DPP6: variants seen among roughly 807,000 people sequenced by gnomAD.
DPP6 encodes A-type potassium channel modulatory protein DPP6.
A neutral mutation model predicts 122.6 loss-of-function variants in DPP6; 69 were observed. The ratio of observed to expected loss-of-function variants is 0.56; its 90% CI spans 0.46 to 0.69. The LOEUF (loss-of-function observed/expected upper bound fraction) is 0.69. DPP6 is among the 30% of genes least tolerant of loss of function. The probability of loss-of-function intolerance (pLI) is 0.00; values close to 1 mark genes in which losing one functional copy is unlikely to be tolerated. For synonymous variants in DPP6, 418 were observed against 433.1 expected (o/e 0.97, Z 0.43); for missense variants, 928 against 1,116.9 (o/e 0.83, Z 2.41).
chr7:154,487,891 A>G (rs1823936647), intron 3 of DPP6, among the ~76,000 whole-genome samples: 1 of 152,200 alleles, frequency 6.6e-6, no homozygotes, highest in Non-Finnish European at 1.5e-5. Context: ...CCTGTGACTC[A>G]TCAATCTTTT....
chr7:154,530,361 A>G (rs906733323), intron 3 of DPP6, among the ~76,000 whole-genome samples: 1 of 152,192 alleles, frequency 6.6e-6, no homozygotes, highest in Non-Finnish European at 1.5e-5. Context: ...CTCAGTGAAC[A>G]TCAAACAAAA....
intron 1 of DPP6, among the ~76,000 whole-genome samples, chr7:153,913,422 C>A (rs920561407): frequency 6.6e-6 from 1 of 152,204 alleles, no homozygotes; most frequent in African/African-American, 2.4e-5. Flanking sequence ...ATCACTCTTA[C>A]AACAGAGATT....
intron 1 of DPP6, among the ~76,000 whole-genome samples, chr7:153,984,323 C>T (rs182033987): frequency 1.3e-5 from 2 of 152,268 alleles, no homozygotes; most frequent in Admixed American, 1.3e-4. Flanking sequence ...ATTGCAAACA[C>T]CTCCTTCTGC....
chr7:154,544,809 G>A lies in DPP6; in HGVS notation c.552+4183G>A, dbSNP rs528164396. Among the ~76,000 whole-genome samples the A allele has an allele frequency of 6.6e-5, 10 of 152,332 alleles. No individual in the cohort carries two copies. The East Asian group carries it at 1.9e-3, about 29-fold the overall frequency. ...TTCCAGAGCGTTAGGCTAGACCAAA[G>A]AGCCTGGGCCAGGCTCAGGGCTCAG... On this transcript the variant is annotated intron_variant, in intron 4 of 25. Transcript: ENST00000377770.
At chr7:153,806,001 TAA>T in the DPP6 span, among the ~76,000 whole-genome samples, 1 of 150,922 alleles carries the variant, frequency 6.6e-6, no homozygotes, top group African/African-American at 2.5e-5. Flanking sequence ...TAAAGTATAA[TAA>T]AAAAAAATAC....
intron 1 of DPP6, among the ~76,000 whole-genome samples, chr7:153,901,700 G>C (rs554525742): frequency 1.3e-5 from 2 of 152,344 alleles, no homozygotes; most frequent in East Asian, 1.9e-4. Flanking sequence ...GACCCTCGTT[G>C]TTTCTTTGCT....
At chr7:154,677,130 T>A (rs912077965) in intron 7 of DPP6, among the ~76,000 whole-genome samples, 10 of 152,250 alleles carry the variant, frequency 6.6e-5, no homozygotes, top group Non-Finnish European at 1.0e-4. Context: ...ATTATTATAA[T>A]TTTTACTATT....
chr7:154,576,895 G>A (rs1025236212), intron 5 of DPP6, among the ~76,000 whole-genome samples: 2 of 152,186 alleles, frequency 1.3e-5, no homozygotes, highest in African/African-American at 4.8e-5. Flanking sequence ...TGGGAAGAGT[G>A]AAGCCAAGAG....
chr7:153,818,913 G>A, the DPP6 span, among the ~76,000 whole-genome samples: 1 of 151,704 alleles, frequency 6.6e-6, no homozygotes, highest in Non-Finnish European at 1.5e-5. Flanking sequence ...CACCACGCTT[G>A]GCTAATTTTT....
chr7:154,606,320 T>A (rs1459314877), intron 5 of DPP6, among the ~76,000 whole-genome samples: 1 of 121,148 alleles, frequency 8.3e-6, no homozygotes, highest in East Asian at 3.5e-4. Context: ...AGGATTGTAA[T>A]CACTTCCTGA....
chr7:154,002,620 A>G (rs1192985609), intron 1 of DPP6, among the ~76,000 whole-genome samples: 2 of 152,120 alleles, frequency 1.3e-5, no homozygotes, highest in Admixed American at 6.5e-5. Flanking sequence ...ATCTAGATGG[A>G]TAGAGTTGGA....
rs990463769 is a variant in DPP6 at position 154,863,322 on chromosome 7, G to A, written c.1715-4673G>A. 3.3e-5 allele frequency among the ~76,000 whole-genome samples: 5 copies of A among 151,470 alleles called. No homozygotes were observed. The highest frequency in any genetic ancestry group is 1.2e-4 in the African/African-American group (5 of 41,110). On this transcript the variant is annotated intron_variant, in intron 17 of 25. Transcript: ENST00000377770. The surrounding 1 kb of genome is among the most constrained non-coding windows in gnomAD (Gnocchi z 4.1). The stretch of plus-strand genomic sequence containing the variant: ...GTAATATTTAGCATCTTGGCCCCAA[G>A]ATTCTACAATCCTTTCATAGGATTT...
At chr7:154,003,985 C>T (rs1797796698) in intron 1 of DPP6, among the ~76,000 whole-genome samples, 1 of 152,152 alleles carries the variant, frequency 6.6e-6, no homozygotes, top group African/African-American at 2.4e-5. Flanking sequence ...TAAAGGGAAC[C>T]ATGAAGAATT....
At position 154,868,056 on chromosome 7, in the gene DPP6, T is replaced by C. The variant is rs373287475; in HGVS notation, c.1776T>C (p.Pro592=). 328 of 1,609,178 alleles carry C rather than the reference T, an allele frequency of 2.0e-4. No individual in the cohort carries two copies. Among genetic ancestry groups the C allele is most frequent in the Non-Finnish European group, 2.7e-4 (317 of 1,177,916 alleles). The change falls in exon 18 of 26, where the codon CCT becomes CCC. Residue 592 remains proline, a synonymous_variant. Transcript: ENST00000377770. ...VKKAINDRQM[P]KVEYRDIEID... ...AGGCCATAAATGACCGACAGATGCC[T>C]AAAGTGGAATACAGGGACATTGAGA...
At chr7:153,899,515 C>T (rs140708948) in intron 1 of DPP6, among the ~76,000 whole-genome samples, 11 of 152,258 alleles carry the variant, frequency 7.2e-5, no homozygotes, top group African/African-American at 2.2e-4. Context: ...TCAACTTGGC[C>T]GGAATGGTGG....
intron 2 of DPP6, among the ~76,000 whole-genome samples, chr7:154,466,615 C>A (rs74908166): frequency 1.5e-3 from 228 of 152,336 alleles, no homozygotes; most frequent in African/African-American, 5.2e-3. Flanking sequence ...CCTCTGATCT[C>A]ATTTAACTTC....
intron 1 of DPP6, among the ~76,000 whole-genome samples, chr7:154,060,770 C>G (rs1329981036): frequency 8.4e-6 from 1 of 118,458 alleles, no homozygotes; most frequent in Non-Finnish European, 1.8e-5. Flanking sequence ...CTCTTCCCCC[C>G]CTGGCTCTTA....
At chr7:154,334,200 A>C (rs1460378428) in intron 1 of DPP6, among the ~76,000 whole-genome samples, 1 of 152,148 alleles carries the variant, frequency 6.6e-6, no homozygotes, top group Non-Finnish European at 1.5e-5. Flanking sequence ...AAAAAAAAAA[A>C]AAACCTTTGC....
chr7:154,323,607 A>G (rs935070134), intron 1 of DPP6, among the ~76,000 whole-genome samples: 3 of 152,178 alleles, frequency 2.0e-5, no homozygotes, highest in Non-Finnish European at 4.4e-5. Flanking sequence ...GGGTAAGTGG[A>G]TGGAATCATC....
Sources: gnomAD v4.1 joint callset for allele counts (sites outside exome capture counted in the v4.1 genomes callset) on GRCh38, gnomAD v4.1.1 for gene constraint, Gnocchi (gnomAD v3.1) non-coding constraint, MANE v1.5 for transcripts, NCBI Gene and HGNC (gene_info 2026-07-23, HGNC 2026-07-21) for gene names.